Variants in PGS1 observed in about 807,000 individuals in gnomAD.
The protein encoded by PGS1 is CDP-diacylglycerol--glycerol-3-phosphate 3-phosphatidyltransferase, mitochondrial.
In PGS1, 44 loss-of-function variants were observed where a neutral mutation model predicts 58.3. That is an observed-to-expected ratio of 0.75 (90% confidence interval 0.59 to 0.97). The LOEUF (loss-of-function observed/expected upper bound fraction) is 0.97, where lower values mean the gene tolerates loss of function less well. PGS1 is among the 50% of genes least tolerant of loss of function. PGS1 has a pLI of 0.00. For missense variants in PGS1, 684 were observed against 731.1 expected, an observed-to-expected ratio of 0.94 and a Z score of 0.74; for synonymous variants, 330 against 311.0, an observed-to-expected ratio of 1.06 and a Z score of -0.64.
intron 2 of PGS1, among the ~76,000 whole-genome samples, chr17:78,395,566 C>T (rs1199126804): frequency 6.6e-6 from 1 of 152,250 alleles, no homozygotes; most frequent in East Asian, 1.9e-4. Context: ...GTACCCCTGC[C>T]TCCTTCTCTG....
intron 9 of PGS1, chr17:78,421,545 A>G (rs1463011496): frequency 1.3e-5 from 2 of 152,354 alleles, no homozygotes; most frequent in Non-Finnish European, 2.9e-5. Context: ...TGCCCTGGAC[A>G]GCAGCACATC....
At chr17:78,412,486 C>T (rs138588769) in intron 7 of PGS1, among the ~76,000 whole-genome samples, 219 of 152,278 alleles carry the variant, frequency 1.4e-3, no homozygotes, top group East Asian at 6.0e-3. Flanking sequence ...GATGGAGAAG[C>T]GGTTGTGCGT....
rs2083591894 is a variant in PGS1 at position 78,400,734 on chromosome 17, G to A, written c.759G>A (p.Gln253=). 1 of 1,613,964 alleles carries A rather than the reference G, an allele frequency of 6.2e-7. No individual in the cohort carries two copies. Among genetic ancestry groups the A allele is most frequent in the African/African-American group, 1.3e-5 (1 of 74,908 alleles). Reference sequence around the variant, plus strand: ...GCCAGGACCGCTACGTGTTCCTGCAGGACTGTGCGGAGATTGCCGACTTCT... The same window carrying A: ...GCCAGGACCGCTACGTGTTCCTGCAAGACTGTGCGGAGATTGCCGACTTCT... ...TNRQDRYVFL[Q]DCAEIADFFT... The change falls in exon 6 of 10, where the codon CAG becomes CAA. Residue 253 remains glutamine, a synonymous_variant. Coordinates refer to ENST00000262764, the MANE Select transcript of PGS1 (RefSeq NM_024419.5). The surrounding 1 kb of genome is among the most constrained non-coding windows in gnomAD (Gnocchi z 4.4).
intron 7 of PGS1, among the ~76,000 whole-genome samples, chr17:78,411,337 G>A (rs1048253064): frequency 1.5e-4 from 23 of 152,308 alleles, no homozygotes; most frequent in African/African-American, 4.8e-4. Context: ...TCAGCCTTCC[G>A]CAGGGCAGTA....
At chr17:78,415,489 G>A (rs1448357467) in intron 8 of PGS1, among the ~76,000 whole-genome samples, 1 of 152,184 alleles carries the variant, frequency 6.6e-6, no homozygotes, top group Non-Finnish European at 1.5e-5. Context: ...GAAAGTAGCC[G>A]GGCATGGTGG....
chr17:78,421,226 C>T (rs2085705919), intron 9 of PGS1: 1 of 152,214 alleles, frequency 6.6e-6, no homozygotes, highest in Non-Finnish European at 1.5e-5. Context: ...TTTGTGACCT[C>T]ACTGCCTGAT....
intron 2 of PGS1, among the ~76,000 whole-genome samples, chr17:78,394,380 T>C (rs1174079477): frequency 6.6e-6 from 1 of 151,964 alleles, no homozygotes; most frequent in Non-Finnish European, 1.5e-5. Flanking sequence ...CTTGACTGGC[T>C]CATTCAGAGT....
Position 78,392,607 on chromosome 17 carries a change from T to C in PGS1, c.275T>C (p.Val92Ala). ...WIRNLVPEFG[V>A]SSSHVRVLSS... ...AGAAACCTGGTTCCAGAATTTGGAG[T>C]CTCCAGTTCTCACGTTAGGGTGCTT... Residue 92 changes from valine to alanine, a missense_variant, in exon 2 of 10, where the codon GTC becomes GCC. Physicochemically the swap from Val to Ala is moderately conservative, Grantham distance 64 (BLOSUM62 0). Transcript: ENST00000262764. The C allele has an allele frequency of 1.2e-6, 2 of 1,614,104 alleles. No individual in the cohort carries two copies. The highest frequency in any genetic ancestry group is 1.7e-6 in the Non-Finnish European group (2 of 1,180,004).
chr17:78,417,508 C>T (rs558705624), intron 8 of PGS1, among the ~76,000 whole-genome samples: 3 of 152,170 alleles, frequency 2.0e-5, no homozygotes, highest in East Asian at 3.9e-4. Context: ...TTCCCCAGCT[C>T]TTGATGGGAA....
chr17:78,384,579 G>A (rs540461530), intron 1 of PGS1, among the ~76,000 whole-genome samples: 1 of 152,132 alleles, frequency 6.6e-6, no homozygotes, highest in African/African-American at 2.4e-5. Context: ...CACAGAGTCT[G>A]TACCGTGAAT....
chr17:78,409,301 G>A (rs2084422901), intron 7 of PGS1, among the ~76,000 whole-genome samples: 1 of 152,280 alleles, frequency 6.6e-6, no homozygotes, highest in African/African-American at 2.4e-5. Context: ...TCTGGACGCA[G>A]TATTCTAGCA....
chr17:78,393,127 C>T (rs2082951282), intron 2 of PGS1, among the ~76,000 whole-genome samples: 1 of 150,534 alleles, frequency 6.6e-6, no homozygotes, highest in Admixed American at 6.7e-5. Flanking sequence ...GTGGCTCAAT[C>T]TTGGCTCACT....
intron 7 of PGS1, among the ~76,000 whole-genome samples, chr17:78,410,003 C>G (rs4969144): frequency 1.3e-5 from 2 of 151,954 alleles, no homozygotes; most frequent in Non-Finnish European, 2.9e-5. Context: ...CCCGGCTACT[C>G]GGGAGGTTGA....
chr17:78,400,720 T>C lies in PGS1; in HGVS notation c.745T>C (p.Tyr249His), dbSNP rs1298784638. The C allele has an allele frequency of 1.2e-6, 2 of 1,613,974 alleles. No homozygotes were observed. The highest frequency in any genetic ancestry group is 1.7e-6 in the Non-Finnish European group (2 of 1,179,944). ...CTACTTCACCAACCGCCAGGACCGC[T>C]ACGTGTTCCTGCAGGACTGTGCGGA... ...DSYFTNRQDR[Y>H]VFLQDCAEIA... is the part of the protein sequence containing the mutation. Residue 249 changes from tyrosine (Y) to histidine (H), a missense_variant, in exon 6 of 10, where the codon TAC (tyrosine) becomes CAC (histidine). Tyr to His is a moderately conservative substitution (Grantham distance 83). Transcript: ENST00000262764. This position sits in a 1 kb window ranked among gnomAD's most constrained non-coding sequence, Gnocchi z 4.4.
Position 78,414,963 on chromosome 17 carries a change from G to C in PGS1, c.1487G>C (p.Arg496Pro). ...SPNFGYRSVH[R>P]DLEAQIAIVT... ...AATTTTGGGTACAGGTCAGTTCACC[G>C]GGACCTGGAGGCCCAGATTGCGATC... The change falls in exon 8 of 10, where the codon CGG (arginine) becomes CCG (proline). Residue 496 changes from arginine (R) to proline (P), a missense_variant. Coordinates refer to ENST00000262764, the MANE Select transcript of PGS1 (RefSeq NM_024419.5). The C allele has an allele frequency of 6.2e-7, 1 of 1,613,816 alleles. No individual in the cohort carries two copies. The highest frequency in any genetic ancestry group is 8.5e-7 in the Non-Finnish European group (1 of 1,180,024).
At position 78,424,148 on chromosome 17, in the gene PGS1, G is replaced by C. The variant is rs201682545; in HGVS notation, c.*98G>C. The stretch of plus-strand genomic sequence containing the variant: ...ATGACTCCAGTCTGGGTGTCCCAGC[G>C]AGCCCCTGCAGGGACAGTATGGCTG... On this transcript the variant is annotated 3_prime_UTR_variant, in exon 10 of 10. Coordinates refer to ENST00000262764, the MANE Select transcript of PGS1 (RefSeq NM_024419.5). 2.5e-6 allele frequency: 4 copies of C among 1,610,516 alleles called. No individual in the cohort carries two copies. The Admixed American group carries it at 5.0e-5, about 20-fold the overall frequency.
At chr17:78,401,726 C>T (rs1020227067) in intron 6 of PGS1, among the ~76,000 whole-genome samples, 5 of 152,202 alleles carry the variant, frequency 3.3e-5, no homozygotes, top group Admixed American at 2.0e-4. Context: ...GATGCTCTGC[C>T]TGCCGCCATG....
chr17:78,384,959 C>G (rs938349), intron 1 of PGS1, among the ~76,000 whole-genome samples: 3 of 152,154 alleles, frequency 2.0e-5, no homozygotes, highest in African/African-American at 7.2e-5. Flanking sequence ...GAGAAGCGGG[C>G]GCCCGGTAGG....
chr17:78,386,291 G>A (rs1478071222), intron 1 of PGS1, among the ~76,000 whole-genome samples: 3 of 152,220 alleles, frequency 2.0e-5, no homozygotes, highest in Non-Finnish European at 2.9e-5. Context: ...TGGTGATGTA[G>A]TACGGCTGGT....
Sources: allele counts gnomAD v4.1 joint callset (sites outside exome capture counted in the v4.1 genomes callset), GRCh38; gene constraint gnomAD v4.1.1; non-coding constraint Gnocchi (gnomAD v3.1); transcripts MANE v1.5; gene names NCBI Gene and HGNC (gene_info 2026-07-23, HGNC 2026-07-21).